Variants in SLC24A4 observed in about 807,000 individuals in gnomAD.
SLC24A4 encodes solute carrier family 24 member 4.
In SLC24A4, 53 loss-of-function variants were observed where a neutral mutation model predicts 79.0. The observed-to-expected ratio is 0.67, with a 90% CI of 0.54 to 0.84. The LOEUF (loss-of-function observed/expected upper bound fraction) is 0.84. SLC24A4 is among the 40% of genes least tolerant of loss of function. The pLI is 0.00. For synonymous variants in SLC24A4, 323 were observed against 323.8 expected (o/e 1.00, Z 0.03); for missense variants, 731 against 822.0 (o/e 0.89, Z 1.35).
At position 92,359,704 on chromosome 14, in the gene SLC24A4, C is replaced by G. The variant is rs1254621426; in HGVS notation, c.241+33726C>G. Among the ~76,000 whole-genome samples the G allele has an allele frequency of 3.3e-5, 5 of 152,306 alleles. No individual in the cohort carries two copies. The South Asian group carries it at 6.2e-4, about 19-fold the overall frequency. On this transcript the variant is annotated intron_variant, in intron 2 of 16. Coordinates refer to ENST00000532405, the MANE Select transcript of SLC24A4 (RefSeq NM_153646.4). ...AAAGTAAAAACTCATGTCATGATCA[C>G]TCAAGTCAAGAAGCAGAGCATTGCC...
Position 92,465,608 on chromosome 14 carries a change from T to C in SLC24A4, c.1255+9000T>C, listed in dbSNP as rs544378749. Among the ~76,000 whole-genome samples, 575 of 152,278 alleles carry C rather than the reference T, an allele frequency of 3.8e-3. 3 individuals are homozygous for C. Among genetic ancestry groups the C allele is most frequent in the African/African-American group, 0.013 (555 of 41,556 alleles). ...GGCTTCTCCCTTGACTGACAGAGCC[T>C]GGTCTGCAGCTCCGCTCCTTCCCTC... On this transcript the variant is annotated intron_variant, in intron 12 of 16. Transcript: ENST00000532405.
chr14:92,373,428 A>G (rs1472433051), intron 2 of SLC24A4, among the ~76,000 whole-genome samples: 1 of 152,176 alleles, frequency 6.6e-6, no homozygotes, highest in Non-Finnish European at 1.5e-5. Flanking sequence ...GTGAGCTGAG[A>G]CAGGCACCTA....
upstream of SLC24A4, among the ~76,000 whole-genome samples, chr14:92,322,802 AG>A (rs1884865672): frequency 8.3e-6 from 1 of 120,668 alleles, no homozygotes; most frequent in Admixed American, 8.0e-5. Flanking sequence ...CGGGGTGGGG[AG>A]GGGGTGTGTG....
intron 12 of SLC24A4, chr14:92,462,148 C>G (rs1171767453): frequency 6.6e-6 from 1 of 152,236 alleles, no homozygotes; most frequent in African/African-American, 2.4e-5. Context: ...CTGTGAATAC[C>G]CTCAAGATCT....
At chr14:92,384,546 G>GAT (rs1231475334) in intron 2 of SLC24A4, among the ~76,000 whole-genome samples, 3 of 152,074 alleles carry the variant, frequency 2.0e-5, no homozygotes, top group African/African-American at 7.2e-5. Flanking sequence ...CAAGCAGGTA[G>GAT]ATATACATTC....
rs137877341 is a variant in SLC24A4 at position 92,326,563 on chromosome 14, A to G, written c.241+585A>G. On this transcript the variant is annotated intron_variant, in intron 2 of 16. Transcript: ENST00000532405. ...TGGGGGTTTGAGGCAGTAGAGACCC[A>G]GAGGTGACATCTTGTCTGTTCTCCT... is the stretch of plus-strand genomic sequence containing the variant. Among the ~76,000 whole-genome samples the G allele has an allele frequency of 2.6e-5, 4 of 152,310 alleles. No individual in the cohort carries two copies. In the East Asian group the frequency reaches 7.7e-4, roughly 29 times the overall value.
chr14:92,396,086 A>T (rs961284882), intron 2 of SLC24A4, among the ~76,000 whole-genome samples: 1 of 152,206 alleles, frequency 6.6e-6, no homozygotes, highest in African/African-American at 2.4e-5. Flanking sequence ...GGCCTCCCAG[A>T]ATGCTGGGAT....
chr14:92,497,204 A>G lies in SLC24A4; in HGVS notation c.*3576A>G, dbSNP rs904521227. On this transcript the variant is annotated 3_prime_UTR_variant, in exon 17 of 17. Coordinates refer to ENST00000532405, the MANE Select transcript of SLC24A4 (RefSeq NM_153646.4). ...GCCTTAACAGACCTAAGCAGCTGATAATGCACCAAGCTTCCCTGACCAGGT... is the reference window on the plus strand; with the variant it reads ...GCCTTAACAGACCTAAGCAGCTGATGATGCACCAAGCTTCCCTGACCAGGT... 1 of 152,232 alleles carries G rather than the reference A, an allele frequency of 6.6e-6. No individual in the cohort carries two copies. The highest frequency in any genetic ancestry group is 1.5e-5 in the Non-Finnish European group (1 of 68,112). The allele number at this position is 152,232 out of a possible 1,614,324, so 9.4% of individuals were successfully genotyped here.
intron 2 of SLC24A4, among the ~76,000 whole-genome samples, chr14:92,429,379 A>G (rs1395345357): frequency 1.3e-5 from 2 of 152,032 alleles, no homozygotes; most frequent in Non-Finnish European, 2.9e-5. Flanking sequence ...ATAGATAAGT[A>G]TGTGAGATAG....
chr14:92,368,131 T>C (rs184637014), intron 2 of SLC24A4, among the ~76,000 whole-genome samples: 22 of 152,306 alleles, frequency 1.4e-4, no homozygotes, highest in Admixed American at 1.4e-3. Context: ...ACAAAATCGC[T>C]AAGATCCTCA....
At chr14:92,377,505 G>T (rs1228026040) in intron 2 of SLC24A4, among the ~76,000 whole-genome samples, 4 of 152,206 alleles carry the variant, frequency 2.6e-5, no homozygotes, top group African/African-American at 9.6e-5. Context: ...ATGTAGGAGA[G>T]AGGTGGGAAG....
chr14:92,340,409 T>G (rs1277072788), intron 2 of SLC24A4, among the ~76,000 whole-genome samples: 2 of 152,212 alleles, frequency 1.3e-5, no homozygotes, highest in Non-Finnish European at 2.9e-5. Flanking sequence ...CAAGAGGGTA[T>G]TTGCTGGACA....
At chr14:92,489,171 G>C (rs10147792) in intron 14 of SLC24A4, among the ~76,000 whole-genome samples, 113,971 of 151,808 alleles carry the variant, frequency 0.75, 43,138 homozygotes, top group African/African-American at 0.83. Context: ...GGCGCGGTGG[G>C]TCATACCTGT....
chr14:92,450,607 G>A (rs1012211382), intron 10 of SLC24A4: 1 of 152,332 alleles, frequency 6.6e-6, no homozygotes, highest in Non-Finnish European at 1.5e-5. Flanking sequence ...CGGCTGTGTC[G>A]GATTTTAGCT....
In SLC24A4 at chr14:92,367,671, G is replaced by A. The variant is rs138252626; in HGVS notation, c.241+41693G>A. Among the ~76,000 whole-genome samples, 100 of 152,342 alleles carry A rather than the reference G, an allele frequency of 6.6e-4. No individual in the cohort carries two copies. In the East Asian group the frequency reaches 0.018, roughly 28 times the overall value. ...GCTACCCTTCCTACAGGAAAGGATC[G>A]GGGTGGCTCAGCATGGCTGGTTGAT... On this transcript the variant is annotated intron_variant, in intron 2 of 16. Coordinates refer to ENST00000532405, the MANE Select transcript of SLC24A4 (RefSeq NM_153646.4).
intron 3 of SLC24A4, among the ~76,000 whole-genome samples, chr14:92,438,744 A>G (rs1442033950): frequency 1.3e-5 from 2 of 151,892 alleles, no homozygotes; most frequent in Non-Finnish European, 2.9e-5. Flanking sequence ...TATCAGGGAA[A>G]CTCCTTAAGC....
chr14:92,448,315 T>C (rs774138841), intron 9 of SLC24A4, among the ~76,000 whole-genome samples: 28 of 145,978 alleles, frequency 1.9e-4, no homozygotes, highest in Non-Finnish European at 2.5e-4. Flanking sequence ...GAATGGTTAA[T>C]GTTATGACAT....
intron 2 of SLC24A4, among the ~76,000 whole-genome samples, chr14:92,388,811 G>C (rs921935438): frequency 3.9e-5 from 6 of 152,198 alleles, no homozygotes; most frequent in African/African-American, 1.4e-4. Context: ...TGAGGCAAGG[G>C]CTTCAGACCC....
At chr14:92,342,635 G>A (rs564119152) in intron 2 of SLC24A4, among the ~76,000 whole-genome samples, 2 of 152,060 alleles carry the variant, frequency 1.3e-5, no homozygotes, top group African/African-American at 4.8e-5. Context: ...CACCCGCCTC[G>A]GCCTCCCAAG....
Sources: allele counts gnomAD v4.1 joint callset (sites outside exome capture counted in the v4.1 genomes callset), GRCh38; gene constraint gnomAD v4.1.1; transcripts MANE v1.5; gene names NCBI Gene and HGNC (gene_info 2026-07-23, HGNC 2026-07-21).